THBS4: variants seen among roughly 807,000 people sequenced by gnomAD.
THBS4 encodes thrombospondin-4.
THBS4 carries 90 observed loss-of-function variants against 115.7 expected under a neutral mutation model. The ratio of observed to expected loss-of-function variants is 0.78; its 90% CI spans 0.66 to 0.93. The LOEUF is 0.93. Among genes scored for constraint, THBS4 ranks in the 40% least tolerant of loss-of-function variants. The probability of loss-of-function intolerance (pLI) is 0.00; values close to 1 mark genes in which losing one functional copy is unlikely to be tolerated. For synonymous variants in THBS4, 460 were observed against 479.3 expected (o/e 0.96, Z 0.53); for missense variants, 1,087 against 1,232.7 (o/e 0.88, Z 1.77).
At chr5:80,083,032 G>A (rs764469590) in intron 21 of THBS4, 48 bp from the exon 22 acceptor site, 3 of 1,567,946 alleles carry the variant, frequency 1.9e-6, no homozygotes, top group Middle Eastern at 1.7e-4. Context: ...TCCGGGGTCC[G>A]GGGTGGAAGG....
chr5:80,013,131 T>G (rs1352436824), intron 2 of THBS4, among the ~76,000 whole-genome samples: 1 of 152,048 alleles, frequency 6.6e-6, no homozygotes, highest in Non-Finnish European at 1.5e-5. Flanking sequence ...TGTTTTTTGT[T>G]TTTTGTTTTG....
At chr5:80,063,742 A>T (rs1268892928) in intron 8 of THBS4, among the ~76,000 whole-genome samples, 2 of 152,272 alleles carry the variant, frequency 1.3e-5, no homozygotes, top group Non-Finnish European at 2.9e-5. Flanking sequence ...GGTGTAAGGT[A>T]GTAAGGAGCA....
intron 2 of THBS4, among the ~76,000 whole-genome samples, chr5:80,047,659 A>G (rs1833114848): frequency 6.8e-6 from 1 of 147,554 alleles, no homozygotes; most frequent in Non-Finnish European, 1.5e-5. Context: ...TTTGAGACAG[A>G]GTCTCACCCT....
Position 80,055,768 on chromosome 5 carries a change from C to T in THBS4, c.293-17C>T. 1 of 1,605,184 alleles carries T rather than the reference C, an allele frequency of 6.2e-7. No individual in the cohort carries two copies. The highest frequency in any genetic ancestry group is 1.1e-5 in the South Asian group (1 of 89,568). On this transcript the variant is annotated splice_polypyrimidine_tract_variant and intron_variant, in intron 2 of 21. Coordinates refer to ENST00000350881, the MANE Select transcript of THBS4 (RefSeq NM_003248.6). ...TGCCACTTATCACACCATTGGTTGACCTGTGCTTGCTTCCAGCCATCCTCC... is the reference window on the plus strand; with the variant it reads ...TGCCACTTATCACACCATTGGTTGATCTGTGCTTGCTTCCAGCCATCCTCC...
In THBS4 at chr5:80,073,297, T is replaced by C. The variant is rs539616906; in HGVS notation, c.1862T>C (p.Val621Ala). Residue 621 changes from valine to alanine, a missense_variant, in exon 15 of 22, where the codon GTT (valine) becomes GCT (alanine). Val to Ala is a moderately conservative substitution (Grantham distance 64). Transcript: ENST00000350881. ...PNQSDVDNDLVGDSCDTNQDS... is the reference protein window; with the variant it reads ...PNQSDVDNDLAGDSCDTNQDS... Reference sequence around the variant, plus strand: ...CAGTCTGATGTGGATAATGATCTGGTTGGGGACTCCTGTGACACCAATCAG... The same window carrying C: ...CAGTCTGATGTGGATAATGATCTGGCTGGGGACTCCTGTGACACCAATCAG... The C allele has an allele frequency of 4.0e-5, 64 of 1,613,998 alleles. No individual in the cohort carries two copies. In the South Asian group the frequency reaches 5.9e-4, roughly 15 times the overall value.
At position 80,070,636 on chromosome 5, in the gene THBS4, CCCT is replaced by C. The variant is rs1561323494; in HGVS notation, c.1453-6_1453-4del. 6.2e-7 allele frequency: 1 copy of C among 1,613,396 alleles called. No individual in the cohort carries two copies. Among genetic ancestry groups the C allele is most frequent in the Non-Finnish European group, 8.5e-7 (1 of 1,179,346 alleles). ...GATGTCACTCGGAACTGCATTTTCC[CCCT>C]AAGGACAACTGCAAATATGTGCCAA... On this transcript the variant is annotated splice_region_variant and splice_polypyrimidine_tract_variant and intron_variant, in intron 11 of 21. Coordinates refer to ENST00000350881, the MANE Select transcript of THBS4 (RefSeq NM_003248.6).
chr5:80,061,854 T>C, intron 8 of THBS4, 22 bp downstream of exon 8: 1 of 1,594,134 alleles, frequency 6.3e-7, no homozygotes, highest in Non-Finnish European at 8.6e-7. Flanking sequence ...TCATGGTTTC[T>C]ATTCATTTCT....
chr5:80,042,396 T>A (rs1322734794), intron 2 of THBS4, among the ~76,000 whole-genome samples: 1 of 152,236 alleles, frequency 6.6e-6, no homozygotes, highest in Non-Finnish European at 1.5e-5. Context: ...TTTCTTTCGG[T>A]TCATCCAGCT....
At chr5:79,996,405 T>G (rs1446147635) in intron 1 of THBS4, among the ~76,000 whole-genome samples, 1 of 152,194 alleles carries the variant, frequency 6.6e-6, no homozygotes, top group Non-Finnish European at 1.5e-5. Flanking sequence ...TTAAAAGTTT[T>G]ATTTGGAAAT....
At chr5:80,052,179 T>C (rs1833277654) in intron 2 of THBS4, among the ~76,000 whole-genome samples, 1 of 152,226 alleles carries the variant, frequency 6.6e-6, no homozygotes, top group South Asian at 2.1e-4. Flanking sequence ...TTAGTGCATA[T>C]GTTTGGACTC....
chr5:80,073,848 C>CT (rs530809732), intron 15 of THBS4, among the ~76,000 whole-genome samples: 133 of 152,292 alleles, frequency 8.7e-4, no homozygotes, highest in Non-Finnish European at 1.6e-3. Context: ...GAATAGGTTA[C>CT]TAGGCACTCC....
intron 1 of THBS4, among the ~76,000 whole-genome samples, chr5:80,039,248 A>G (rs1343192054): frequency 6.6e-6 from 1 of 152,236 alleles, no homozygotes; most frequent in African/African-American, 2.4e-5. Flanking sequence ...GCTAATAGAT[A>G]TACTAAATAA....
chr5:80,022,583 T>C (rs1460003164), intron 2 of THBS4, among the ~76,000 whole-genome samples: 1 of 152,222 alleles, frequency 6.6e-6, no homozygotes, highest in East Asian at 1.9e-4. Flanking sequence ...GTTGAAAATA[T>C]AGTTGTCTCA....
In THBS4 at chr5:80,035,428, T is replaced by A; in HGVS notation, c.-110T>A. 1 of 681,638 alleles carries A rather than the reference T, an allele frequency of 1.5e-6. No homozygotes were observed. The highest frequency in any genetic ancestry group is 2.0e-6 in the Non-Finnish European group (1 of 498,224). The allele number at this position is 681,638 out of a possible 1,614,324, so 42.2% of individuals were successfully genotyped here. A position where few individuals can be genotyped will look rare whatever the true frequency, so the allele number is the denominator to read the frequency against. On this transcript the variant is annotated 5_prime_UTR_variant, in exon 1 of 22. Transcript: ENST00000350881. The surrounding 1 kb of genome is among the most constrained non-coding windows in gnomAD (Gnocchi z 4.6). ...GCCCGGACGCCGAGCACGGGTCACC[T>A]GCGGCGCCGGCCCGGGCGCCGACCG...
intron 15 of THBS4, among the ~76,000 whole-genome samples, chr5:80,074,802 A>G (rs1385456825): frequency 6.6e-6 from 1 of 151,994 alleles, no homozygotes; most frequent in Non-Finnish European, 1.5e-5. Flanking sequence ...TAGTAGAGAC[A>G]GAGTTTCACC....
At position 80,078,941 on chromosome 5, in the gene THBS4, C is replaced by A. The variant is rs766916697; in HGVS notation, c.2286C>A (p.Thr762=). 1.9e-5 allele frequency: 30 copies of A among 1,614,002 alleles called. No individual in the cohort carries two copies. Among genetic ancestry groups the A allele is most frequent in the Admixed American group, 5.0e-5 (3 of 60,004 alleles). Residue 762 remains threonine, a synonymous_variant, in exon 18 of 22, where the codon ACC becomes ACA. Coordinates refer to ENST00000350881, the MANE Select transcript of THBS4 (RefSeq NM_003248.6). ...VLNQGMEIVQ[T]MNSDPGLAVG... is the part of the protein sequence containing the mutation. Reference sequence around the variant, plus strand: ...TGCAGGGCATGGAGATTGTACAGACCATGAACAGTGATCCTGGCCTGGCAG... The same window carrying A: ...TGCAGGGCATGGAGATTGTACAGACAATGAACAGTGATCCTGGCCTGGCAG...
chr5:80,049,837 A>G (rs1833196906), intron 2 of THBS4, among the ~76,000 whole-genome samples: 1 of 152,214 alleles, frequency 6.6e-6, no homozygotes, highest in Admixed American at 6.5e-5. Flanking sequence ...GGAGGCAATA[A>G]CGATCAGAAC....
chr5:80,011,336 C>T (rs1181320264), intron 2 of THBS4, among the ~76,000 whole-genome samples: 2 of 152,106 alleles, frequency 1.3e-5, no homozygotes, highest in African/African-American at 4.8e-5. Context: ...CAAGGGTAAA[C>T]CACTTCCATT....
intron 1 of THBS4, 46 bp from the exon 2 acceptor site, chr5:80,040,031 A>C: frequency 6.3e-7 from 1 of 1,576,270 alleles, no homozygotes; most frequent in Non-Finnish European, 8.7e-7. Flanking sequence ...TGTTTTCCCC[A>C]AAATTGAATC....
Sources: allele counts gnomAD v4.1 joint callset (sites outside exome capture counted in the v4.1 genomes callset), GRCh38; gene constraint gnomAD v4.1.1; non-coding constraint Gnocchi (gnomAD v3.1); transcripts MANE v1.5; gene names NCBI Gene and HGNC (gene_info 2026-07-23, HGNC 2026-07-21).